Variants in HAS3 observed in about 807,000 individuals in gnomAD.
HAS3 encodes the protein hyaluronan synthase 3.
A neutral mutation model predicts 50.3 loss-of-function variants in HAS3; 27 were observed. That is an observed-to-expected ratio of 0.54 (90% CI 0.40 to 0.74). The LOEUF is 0.74. Among genes scored for constraint, HAS3 ranks in the 30% least tolerant of loss-of-function variants. The probability of loss-of-function intolerance (pLI) is 0.00; values close to 1 mark genes in which losing one functional copy is unlikely to be tolerated. For synonymous variants in HAS3, 339 were observed against 310.9 expected, an observed-to-expected ratio of 1.09 and a Z score of -0.95; for missense variants, 517 against 742.8, an observed-to-expected ratio of 0.70 and a Z score of 3.53.
downstream of HAS3, chr16:69,118,310 GTCTT>G (rs1417149006): frequency 8.3e-6 from 10 of 1,205,290 alleles, no homozygotes; most frequent in Middle Eastern, 2.0e-4. Flanking sequence ...CATTCGGTGG[GTCTT>G]TCTTTGAAGT....
the HAS3 span, among the ~76,000 whole-genome samples, chr16:69,089,220 C>T: frequency 2.6e-5 from 4 of 152,146 alleles, no homozygotes; most frequent in African/African-American, 7.2e-5. Flanking sequence ...AACTGTTTGC[C>T]GCATTGGAGG....
Position 69,113,419 on chromosome 16 carries a change from TGAC to T in HAS3, c.637-17_637-15del. 1.3e-6 allele frequency: 2 copies of T among 1,557,404 alleles called. No individual in the cohort carries two copies. Among genetic ancestry groups the T allele is most frequent in the Non-Finnish European group, 1.8e-6 (2 of 1,128,510 alleles). The stretch of plus-strand genomic sequence containing the variant: ...GTGCAGGTCTGAGGTCAGAATGGGC[TGAC>T]GACGCACTCCCTCTGCAGGTGTGCG... On this transcript the variant is annotated intron_variant, in intron 2 of 3. Coordinates refer to ENST00000569188, the MANE Select transcript of HAS3 (RefSeq NM_001199280.2).
chr16:69,104,228 C>T (rs1265145382), upstream of HAS3, among the ~76,000 whole-genome samples: 2 of 151,116 alleles, frequency 1.3e-5, no homozygotes, highest in Non-Finnish European at 2.9e-5. Flanking sequence ...GTAGCTGGGA[C>T]TACAGGCACA....
At chr16:69,104,310 T>C (rs1799340513), upstream of HAS3, among the ~76,000 whole-genome samples, 2 of 151,674 alleles carry the variant, frequency 1.3e-5, no homozygotes, top group South Asian at 4.2e-4. Flanking sequence ...TTATTTTTAT[T>C]TTTTGAGATG....
chr16:69,105,629 T>G (rs1027483204), upstream of HAS3: 1 of 152,260 alleles, frequency 6.6e-6, no homozygotes, highest in Non-Finnish European at 1.5e-5. Flanking sequence ...AACACCTTCT[T>G]TGACCAGCCT....
chr16:69,113,632 T>G (rs1961082150), intron 3 of HAS3, 90 bp downstream of exon 3: 1 of 764,578 alleles, frequency 1.3e-6, no homozygotes. Flanking sequence ...GTGTCTTGAC[T>G]TCCTAGTATT....
In HAS3 at chr16:69,114,607, G is replaced by T. The variant is rs771034724; in HGVS notation, c.1003G>T (p.Ala335Ser). Residue 335 changes from alanine (A) to serine (S), a missense_variant, in exon 4 of 4, where the codon GCG becomes TCG. By Grantham distance (99) the Ala-to-Ser change is moderately conservative. Coordinates refer to ENST00000569188, the MANE Select transcript of HAS3 (RefSeq NM_001199280.2). This position sits in a 1 kb window ranked among gnomAD's most constrained non-coding sequence, Gnocchi z 6.4. ...CCTTGGCTACCGAACTAAGTATACC[G>T]CGCGCTCCAAGTGCCTCACAGAGAC... is the stretch of plus-strand genomic sequence containing the variant. ...LSLGYRTKYTARSKCLTETPT... is the reference protein window; with the variant it reads ...LSLGYRTKYTSRSKCLTETPT... 2 of 1,613,880 alleles carry T rather than the reference G, an allele frequency of 1.2e-6. No individual in the cohort carries two copies. Among genetic ancestry groups the T allele is most frequent in the South Asian group, 1.1e-5 (1 of 91,064 alleles).
At chr16:69,092,452 A>C in the HAS3 span, among the ~76,000 whole-genome samples, 2 of 151,900 alleles carry the variant, frequency 1.3e-5, no homozygotes, top group Non-Finnish European at 2.9e-5. Flanking sequence ...AAAATGTAAA[A>C]ATTAGCGAGG....
At chr16:69,098,925 A>C in the HAS3 span, among the ~76,000 whole-genome samples, 1 of 151,450 alleles carries the variant, frequency 6.6e-6, no homozygotes, top group Non-Finnish European at 1.5e-5. Context: ...TCTGCCTCCC[A>C]AAGTGGGATT....
At chr16:69,118,706 A>T (rs1597104875), downstream of HAS3, 4 of 651,258 alleles carry the variant, frequency 6.1e-6, no homozygotes, top group Non-Finnish European at 1.1e-5. Flanking sequence ...GTCAAGAAAA[A>T]CGCAAAGGAA....
rs1961102918 is a variant in HAS3, at chr16:69,114,215, A to G, written c.739-128A>G. The stretch of plus-strand genomic sequence containing the variant: ...TCTGAGCCTCAGGTTTCCCAGCTCC[A>G]AAGGAACCGATGGCCAGGAATCTAA... On this transcript the variant is annotated intron_variant, in intron 3 of 3. Transcript: ENST00000569188. The surrounding 1 kb of genome is among the most constrained non-coding windows in gnomAD (Gnocchi z 6.4). 1 of 1,428,804 alleles carries G rather than the reference A, an allele frequency of 7.0e-7. No homozygotes were observed. The highest frequency in any genetic ancestry group is 9.3e-7 in the Non-Finnish European group (1 of 1,073,060). 88.5% of individuals were successfully genotyped at this position (1,428,804 alleles called of 1,614,324 possible). A position where few individuals can be genotyped will look rare whatever the true frequency, so the allele number is the denominator to read the frequency against.
Position 69,114,789 on chromosome 16 carries a change from C to T in HAS3, c.1185C>T (p.Ala395=). 6.2e-7 allele frequency: 1 copy of T among 1,614,136 alleles called. No homozygotes were observed. Among genetic ancestry groups the T allele is most frequent in the Non-Finnish European group, 8.5e-7 (1 of 1,180,032 alleles). ...VTGFFPFFLI[A]TVIQLFYRGR... is the part of the protein sequence containing the mutation. ...GTTTCTTCCCCTTCTTCCTCATTGC[C>T]ACGGTTATACAGCTTTTCTACCGGG... is the stretch of plus-strand genomic sequence containing the variant. The change falls in exon 4 of 4, where the codon GCC becomes GCT. Residue 395 remains alanine, a synonymous_variant. Transcript: ENST00000569188. The surrounding 1 kb of genome is among the most constrained non-coding windows in gnomAD (Gnocchi z 6.4).
chr16:69,097,767 C>T, the HAS3 span, among the ~76,000 whole-genome samples: 2 of 152,130 alleles, frequency 1.3e-5, no homozygotes, highest in Admixed American at 1.3e-4. Flanking sequence ...TTGCCCAGGA[C>T]CACTGTGGTC....
At position 69,114,219 on chromosome 16, in the gene HAS3, G is replaced by C; in HGVS notation, c.739-124G>C. Reference sequence around the variant, plus strand: ...AGCCTCAGGTTTCCCAGCTCCAAAGGAACCGATGGCCAGGAATCTAAGCAG... The same window carrying C: ...AGCCTCAGGTTTCCCAGCTCCAAAGCAACCGATGGCCAGGAATCTAAGCAG... On this transcript the variant is annotated intron_variant, in intron 3 of 3. Coordinates refer to ENST00000569188, the MANE Select transcript of HAS3 (RefSeq NM_001199280.2). This position sits in a 1 kb window ranked among gnomAD's most constrained non-coding sequence, Gnocchi z 6.4. 1 of 1,440,092 alleles carries C rather than the reference G, an allele frequency of 6.9e-7. No individual in the cohort carries two copies. The highest frequency in any genetic ancestry group is 1.4e-5 in the South Asian group (1 of 71,928). 89.2% of individuals were successfully genotyped at this position (1,440,092 alleles called of 1,614,324 possible).
Position 69,107,305 on chromosome 16 carries a change from G to T in HAS3, c.-1+1518G>T, listed in dbSNP as rs1045739586. ...CCTGGGTAATGCCTCTAATTCCTGC[G>T]GGGGAGGGGTCCCGCCCAGGGAAGG... On this transcript the variant is annotated intron_variant, in intron 1 of 3. Transcript: ENST00000569188. This position sits in a 1 kb window ranked among gnomAD's most constrained non-coding sequence, Gnocchi z 5.5. The T allele has an allele frequency of 4.1e-6, 4 of 979,702 alleles. No homozygotes were observed. Among genetic ancestry groups the T allele is most frequent in the Non-Finnish European group, 4.9e-6 (4 of 824,714 alleles). The allele number at this position is 979,702 out of a possible 1,614,324, so 60.7% of individuals were successfully genotyped here.
chr16:69,099,164 G>C, the HAS3 span, among the ~76,000 whole-genome samples: 1 of 151,440 alleles, frequency 6.6e-6, no homozygotes, highest in Non-Finnish European at 1.5e-5. Flanking sequence ...GTAGAGACGG[G>C]GTTTCACCGT....
chr16:69,104,992 GTTTTTTTTTTTTTTTTTTT>G (rs565397720), upstream of HAS3, among the ~76,000 whole-genome samples: 3 of 81,956 alleles, frequency 3.7e-5, no homozygotes, highest in East Asian at 4.1e-4. Flanking sequence ...CTGTTTTTTG[GTTTTTTTTTTTTTTTTTTT>G]TTTTTTTTTT....
chr16:69,083,637 G>A, the HAS3 span: 2 of 1,566,638 alleles, frequency 1.3e-6, no homozygotes, highest in Non-Finnish European at 1.7e-6. Flanking sequence ...AGAAGCTGGA[G>A]AAGAAGATCA....
the HAS3 span, among the ~76,000 whole-genome samples, chr16:69,090,194 A>T: frequency 6.6e-6 from 1 of 152,110 alleles, no homozygotes; most frequent in Non-Finnish European, 1.5e-5. Context: ...ATGAATCCCA[A>T]CACGTGGGGC....
Sources: gnomAD v4.1 joint callset for allele counts (sites outside exome capture counted in the v4.1 genomes callset) on GRCh38, gnomAD v4.1.1 for gene constraint, Gnocchi (gnomAD v3.1) non-coding constraint, MANE v1.5 for transcripts, NCBI Gene and HGNC (gene_info 2026-07-23, HGNC 2026-07-21) for gene names.